The following HGSNAT variants were observed in gnomAD, a reference collection of about 807,000 sequenced individuals.
The protein encoded by HGSNAT is transmembrane protein 76.
A neutral mutation model predicts 85.2 loss-of-function variants in HGSNAT; 59 were observed. That is an observed-to-expected ratio of 0.69 (90% CI 0.56 to 0.86). The LOEUF is 0.86. HGSNAT is among the 40% of genes least tolerant of loss of function. HGSNAT has a pLI of 0.00. For missense variants in HGSNAT, 756 were observed against 777.1 expected, an observed-to-expected ratio of 0.97 and a Z score of 0.32; for synonymous variants, 321 against 304.5, an observed-to-expected ratio of 1.05 and a Z score of -0.56.
intron 14 of HGSNAT, chr8:43,196,240 A>C: frequency 2.9e-6 from 1 of 339,300 alleles, no homozygotes; most frequent in Middle Eastern, 7.8e-4. Context: ...ACTGGCACAT[A>C]AAAAATGTTG....
chr8:43,196,414 C>G (rs147418323), intron 14 of HGSNAT: 14 of 1,277,058 alleles, frequency 1.1e-5, no homozygotes, highest in African/African-American at 1.5e-5. Context: ...CACCCTGTCC[C>G]GGTCCCTCTT....
At chr8:43,181,865 T>C in intron 10 of HGSNAT, 1 of 448,434 alleles carries the variant, frequency 2.2e-6, no homozygotes, top group Non-Finnish European at 4.0e-6. Context: ...AGTAAGACGC[T>C]TTGGTTCTTA....
intron 11 of HGSNAT, among the ~76,000 whole-genome samples, chr8:43,189,522 G>A (rs1804450167): frequency 6.6e-6 from 1 of 152,124 alleles, no homozygotes; most frequent in South Asian, 2.1e-4. Context: ...GATTTTCCAG[G>A]TACCATCTGT....
chr8:43,177,339 C>T (rs1372961465), intron 9 of HGSNAT, among the ~76,000 whole-genome samples: 3 of 151,256 alleles, frequency 2.0e-5, no homozygotes, highest in Middle Eastern at 3.4e-3. Context: ...ATCACAAGGT[C>T]GGGAGATTGA....
At chr8:43,148,069 C>T (rs139108067) in intron 2 of HGSNAT, among the ~76,000 whole-genome samples, 1 of 151,920 alleles carries the variant, frequency 6.6e-6, no homozygotes, top group Non-Finnish European at 1.5e-5. Flanking sequence ...ATGGAGAAAC[C>T]CTGTCTCTAC....
At chr8:43,178,460 G>C (rs1803891119) in intron 10 of HGSNAT, among the ~76,000 whole-genome samples, 1 of 152,038 alleles carries the variant, frequency 6.6e-6, no homozygotes. Context: ...CTTGTGCAGA[G>C]GAAAAGTCTG....
intron 11 of HGSNAT, among the ~76,000 whole-genome samples, chr8:43,184,575 A>G (rs1438501076): frequency 1.3e-5 from 2 of 152,194 alleles, no homozygotes; most frequent in African/African-American, 2.4e-5. Flanking sequence ...CTTTTCTCCC[A>G]TTCTGTAGGT....
chr8:43,199,605 G>C lies in HGSNAT; in HGVS notation c.*36G>C. ...TGAGATGTGCTGCTGGAAGACTCTA[G>C]TAGGCCTGCAGGGAGGACTGAAGCA... On this transcript the variant is annotated 3_prime_UTR_variant, in exon 18 of 18. Coordinates refer to ENST00000379644, the MANE Select transcript of HGSNAT (RefSeq NM_152419.3). 1 of 1,469,054 alleles carries C rather than the reference G, an allele frequency of 6.8e-7. No individual in the cohort carries two copies. Among genetic ancestry groups the C allele is most frequent in the Non-Finnish European group, 9.1e-7 (1 of 1,101,284 alleles). 91.0% of individuals were successfully genotyped at this position (1,469,054 alleles called of 1,614,324 possible). A position where few individuals can be genotyped will look rare whatever the true frequency, so the allele number is the denominator to read the frequency against.
intron 2 of HGSNAT, among the ~76,000 whole-genome samples, chr8:43,156,897 T>C (rs1309932975): frequency 6.6e-6 from 1 of 152,218 alleles, no homozygotes; most frequent in Non-Finnish European, 1.5e-5. Context: ...TCTTTGAGTC[T>C]GTGTGTTCTT....
chr8:43,169,030 TTA>T, intron 5 of HGSNAT, 141 bp from the exon 6 acceptor site: 1 of 463,634 alleles, frequency 2.2e-6, no homozygotes, highest in Non-Finnish European at 3.7e-6. Context: ...ATTTCTATTT[TTA>T]TATTGTTAAA....
At chr8:43,190,628 A>G (rs73675463) in intron 11 of HGSNAT, among the ~76,000 whole-genome samples, 4,413 of 152,286 alleles carry the variant, frequency 0.029, 215 homozygotes, top group African/African-American at 0.1. Context: ...CCATAGGGTC[A>G]GGGGTTCAGT....
rs148263546 is a variant in HGSNAT, at chr8:43,153,741, T to C, written c.235-4834T>C. On this transcript the variant is annotated intron_variant, in intron 2 of 17. Transcript: ENST00000379644. ...CTCTTTCCTACTAACCTCTATTTAC[T>C]CTCTACTTCTATGAGGTCACATTTT... Among the ~76,000 whole-genome samples, 462 of 152,280 alleles carry C rather than the reference T, an allele frequency of 3.0e-3. 9 individuals are homozygous for C. The highest frequency in any genetic ancestry group is 0.028 in the Admixed American group (425 of 15,286).
At chr8:43,195,626 T>G (rs1226736482) in intron 14 of HGSNAT, among the ~76,000 whole-genome samples, 1,218 of 21,250 alleles carry the variant, frequency 0.057, no homozygotes, top group Middle Eastern at 0.077. Flanking sequence ...TGGAGGAGGA[T>G]GGGGTGGAGG....
rs2130746047 is a variant in HGSNAT at position 43,170,659 on chromosome 8, G to A, written c.708G>A (p.Leu236=). The A allele has an allele frequency of 6.2e-7, 1 of 1,607,646 alleles. No individual in the cohort carries two copies. Among genetic ancestry groups the A allele is most frequent in the East Asian group, 2.2e-5 (1 of 44,704 alleles). Reference sequence around the variant, plus strand: ...CAGCAACGTGGCGTCTATCTGCCCTGCCGCCCCGCCTCCGCAGCGTGGACA... The same window carrying A: ...CAGCAACGTGGCGTCTATCTGCCCTACCGCCCCGCCTCCGCAGCGTGGACA... ...VQPATWRLSA[L]PPRLRSVDTF... The change falls in exon 7 of 18, where the codon CTG becomes CTA. Residue 236 remains leucine (L), a synonymous_variant. Transcript: ENST00000379644.
At chr8:43,195,939 C>T (rs868612177) in intron 14 of HGSNAT, 10 of 158,504 alleles carry the variant, frequency 6.3e-5, no homozygotes, top group Middle Eastern at 3.2e-3. Flanking sequence ...TTTAGAAATA[C>T]GGCCTTTATC....
chr8:43,193,667 G>T, intron 13 of HGSNAT, 90 bp from the exon 14 acceptor site: 1 of 775,744 alleles, frequency 1.3e-6, no homozygotes. Flanking sequence ...ACATACTGGA[G>T]TGTATTCAGG....
At chr8:43,166,453 G>A (rs1318856137) in intron 5 of HGSNAT, among the ~76,000 whole-genome samples, 1 of 152,152 alleles carries the variant, frequency 6.6e-6, no homozygotes, top group African/African-American at 2.4e-5. Flanking sequence ...GGAAATCCTA[G>A]GGTCCTTAAG....
At position 43,140,575 on chromosome 8, in the gene HGSNAT, G is replaced by A; in HGVS notation, c.79G>A (p.Gly27Ser). Residue 27 changes from glycine to serine, a missense_variant, in exon 1 of 18, where the codon GGC (glycine) becomes AGC (serine). Gly to Ser is a moderately conservative substitution (Grantham distance 56). Coordinates refer to ENST00000379644, the MANE Select transcript of HGSNAT (RefSeq NM_152419.3). ...GAGCGCCGCGCTGCTGGCCCCCGGC[G>A]GCTCTTCGGGGCGCGATGCCCAGGC... ...VLSAALLAPG[G>S]SSGRDAQAAP... is the part of the protein sequence containing the mutation. 1 of 1,228,338 alleles carries A rather than the reference G, an allele frequency of 8.1e-7. No individual in the cohort carries two copies. Among genetic ancestry groups the A allele is most frequent in the Non-Finnish European group, 1.0e-6 (1 of 978,104 alleles). The allele number at this position is 1,228,338 out of a possible 1,614,324, so 76.1% of individuals were successfully genotyped here.
intron 1 of HGSNAT, among the ~76,000 whole-genome samples, chr8:43,141,358 G>A (rs890468641): frequency 6.6e-6 from 1 of 152,172 alleles, no homozygotes; most frequent in South Asian, 2.1e-4. Context: ...CCCGGACCCC[G>A]GGCGTTTGTC....
Sources: gnomAD v4.1 joint callset for allele counts (sites outside exome capture counted in the v4.1 genomes callset) on GRCh38, gnomAD v4.1.1 for gene constraint, MANE v1.5 for transcripts, NCBI Gene and HGNC (gene_info 2026-07-23, HGNC 2026-07-21) for gene names.